Variants in INPP5A observed in about 807,000 individuals in gnomAD.
INPP5A encodes the protein 43 kDa inositol polyphosphate 5-phophatase.
Under a neutral mutation model 65.2 loss-of-function variants are expected in INPP5A, and 14 were observed. The observed-to-expected ratio is 0.21, with a 90% CI of 0.14 to 0.34. The LOEUF (loss-of-function observed/expected upper bound fraction) is 0.34, where lower values mean the gene tolerates loss of function less well. Among genes scored for constraint, INPP5A ranks in the 10% least tolerant of loss-of-function variants. INPP5A has a pLI of 1.00. For synonymous variants in INPP5A, 207 were observed against 208.3 expected, an observed-to-expected ratio of 0.99 and a Z score of 0.05; for missense variants, 431 against 545.6, an observed-to-expected ratio of 0.79 and a Z score of 2.09.
intron 9 of INPP5A, among the ~76,000 whole-genome samples, chr10:132,739,648 G>T (rs1055797583): frequency 6.6e-6 from 1 of 152,228 alleles, no homozygotes; most frequent in African/African-American, 2.4e-5. Flanking sequence ...CCTGGGAGCC[G>T]GGTGAGTCGC....
intron 8 of INPP5A, among the ~76,000 whole-genome samples, chr10:132,715,758 T>G (rs1226224339): frequency 6.6e-6 from 1 of 152,254 alleles, no homozygotes; most frequent in African/African-American, 2.4e-5. Context: ...CTCGCGCTCC[T>G]CACACTCCCG....
intron 12 of INPP5A, among the ~76,000 whole-genome samples, chr10:132,776,823 A>G (rs1177417572): frequency 6.6e-6 from 1 of 151,544 alleles, no homozygotes; most frequent in African/African-American, 2.4e-5. Context: ...CTCGGCGGGT[A>G]GTGGGGGCCA....
chr10:132,714,849 G>A (rs889225397), intron 8 of INPP5A, among the ~76,000 whole-genome samples: 4 of 152,212 alleles, frequency 2.6e-5, no homozygotes, highest in Admixed American at 6.5e-5. Flanking sequence ...TCACAGATGC[G>A]AACCTTTACT....
intron 4 of INPP5A, among the ~76,000 whole-genome samples, chr10:132,685,965 A>C (rs1241399895): frequency 6.6e-6 from 1 of 152,242 alleles, no homozygotes; most frequent in Non-Finnish European, 1.5e-5. Context: ...CATCTTCACT[A>C]GCCGCCCCTG....
Position 132,663,603 on chromosome 10 carries a change from C to T in INPP5A, c.306+13098C>T, listed in dbSNP as rs925174915. On this transcript the variant is annotated intron_variant, in intron 4 of 15. Coordinates refer to ENST00000368594, the MANE Select transcript of INPP5A (RefSeq NM_005539.5). The surrounding 1 kb of genome is among the most constrained non-coding windows in gnomAD (Gnocchi z 4.5). The stretch of plus-strand genomic sequence containing the variant: ...CCACTCAATGAGTGATTTTGGTCGA[C>T]GTTCACCTGTACTTTCTCTGCACTC... Among the ~76,000 whole-genome samples, 4 of 152,190 alleles carry T rather than the reference C, an allele frequency of 2.6e-5. No homozygotes were observed. Among genetic ancestry groups the T allele is most frequent in the Admixed American group, 6.5e-5 (1 of 15,282 alleles).
At chr10:132,578,867 G>A (rs576099556) in intron 1 of INPP5A, among the ~76,000 whole-genome samples, 108 of 152,280 alleles carry the variant, frequency 7.1e-4, no homozygotes, top group African/African-American at 2.4e-3. Flanking sequence ...GGCTGCGGCC[G>A]TAGTCTTAGG....
intron 4 of INPP5A, among the ~76,000 whole-genome samples, chr10:132,664,470 C>T (rs2072777091): frequency 6.6e-6 from 1 of 152,242 alleles, no homozygotes; most frequent in Admixed American, 6.5e-5. Context: ...GCTCTTGAGG[C>T]TTCACTACCT....
intron 4 of INPP5A, among the ~76,000 whole-genome samples, chr10:132,657,154 T>C (rs1274603905): frequency 1.3e-5 from 2 of 152,182 alleles, no homozygotes; most frequent in Admixed American, 1.3e-4. Context: ...CACTCAAGGC[T>C]CTTGGGCTCG....
At position 132,575,200 on chromosome 10, in the gene INPP5A, C is replaced by G. The variant is rs2071399506; in HGVS notation, c.76-32715C>G. 6.6e-6 allele frequency among the ~76,000 whole-genome samples: 1 copy of G among 152,156 alleles called. No individual in the cohort carries two copies. The highest frequency in any genetic ancestry group is 2.4e-5 in the African/African-American group (1 of 41,442). On this transcript the variant is annotated intron_variant, in intron 1 of 15. Transcript: ENST00000368594. This position sits in a 1 kb window ranked among gnomAD's most constrained non-coding sequence, Gnocchi z 5.4. Reference sequence around the variant, plus strand: ...TCCGCAGGCTGGCGTTTGCACCGGCCTGGACACATCGCAACCCTGACCTGT... The same window carrying G: ...TCCGCAGGCTGGCGTTTGCACCGGCGTGGACACATCGCAACCCTGACCTGT...
chr10:132,723,080 G>A (rs1400913423), intron 8 of INPP5A, among the ~76,000 whole-genome samples: 1 of 152,216 alleles, frequency 6.6e-6, no homozygotes, highest in East Asian at 1.9e-4. Flanking sequence ...TGTTCTGTCA[G>A]CAGAGCAGGG....
chr10:132,738,395 C>T (rs1228799521), intron 9 of INPP5A, among the ~76,000 whole-genome samples: 11 of 152,210 alleles, frequency 7.2e-5, no homozygotes, highest in African/African-American at 1.4e-4. Context: ...CTGTGTCCTG[C>T]GTCCCCCTCC....
At chr10:132,773,957 T>C (rs897634536) in intron 12 of INPP5A, among the ~76,000 whole-genome samples, 5 of 152,192 alleles carry the variant, frequency 3.3e-5, no homozygotes, top group Non-Finnish European at 7.3e-5. Flanking sequence ...GACAGGGGTC[T>C]TACTATGTTG....
intron 11 of INPP5A, among the ~76,000 whole-genome samples, chr10:132,754,865 G>A (rs530129864): frequency 4.6e-5 from 7 of 152,354 alleles, no homozygotes; most frequent in East Asian, 1.9e-4. Flanking sequence ...GTGTGTCAGC[G>A]TGTGTGCGTG....
chr10:132,758,968 G>A (rs973302357), intron 11 of INPP5A, among the ~76,000 whole-genome samples: 10 of 152,212 alleles, frequency 6.6e-5, no homozygotes, highest in African/African-American at 2.2e-4. Flanking sequence ...CTGCCATCAC[G>A]TTTCCCTGTC....
intron 1 of INPP5A, among the ~76,000 whole-genome samples, chr10:132,543,533 T>G (rs2070933380): frequency 6.6e-6 from 1 of 152,204 alleles, no homozygotes; most frequent in African/African-American, 2.4e-5. Flanking sequence ...CCTCCTGCCT[T>G]AGCCTCCTGA....
intron 4 of INPP5A, among the ~76,000 whole-genome samples, chr10:132,656,389 G>A (rs1212130141): frequency 6.6e-6 from 1 of 152,250 alleles, no homozygotes; most frequent in African/African-American, 2.4e-5. Flanking sequence ...AGCTTCGGGA[G>A]AGGGCTGAGA....
At chr10:132,745,027 G>A (rs1846344100) in intron 9 of INPP5A, among the ~76,000 whole-genome samples, 1 of 152,156 alleles carries the variant, frequency 6.6e-6, no homozygotes, top group Non-Finnish European at 1.5e-5. Context: ...GGGACAGGGT[G>A]TGCCCGAGCC....
At chr10:132,736,951 G>A (rs904475140) in intron 9 of INPP5A, among the ~76,000 whole-genome samples, 2 of 152,258 alleles carry the variant, frequency 1.3e-5, no homozygotes, top group Non-Finnish European at 2.9e-5. Context: ...CGTGGGCACA[G>A]TGGGCGCCGT....
At chr10:132,738,697 C>T (rs1367786547) in intron 9 of INPP5A, among the ~76,000 whole-genome samples, 18 of 152,218 alleles carry the variant, frequency 1.2e-4, no homozygotes, top group Non-Finnish European at 5.9e-5. Context: ...TGCTGGAGTC[C>T]GGGAGCAACC....
Sources: gnomAD v4.1 joint callset for allele counts (sites outside exome capture counted in the v4.1 genomes callset) on GRCh38, gnomAD v4.1.1 for gene constraint, Gnocchi (gnomAD v3.1) non-coding constraint, MANE v1.5 for transcripts, NCBI Gene and HGNC (gene_info 2026-07-23, HGNC 2026-07-21) for gene names.